The following MLLT10 variants were observed in gnomAD, a reference collection of about 807,000 sequenced individuals.
MLLT10 encodes the protein protein AF-10.
A neutral mutation model predicts 129.1 loss-of-function variants in MLLT10; 30 were observed. That is an observed-to-expected ratio of 0.23 (90% CI 0.17 to 0.32). The LOEUF (loss-of-function observed/expected upper bound fraction) is 0.32. MLLT10 is among the 10% of genes least tolerant of loss of function. The probability of loss-of-function intolerance (pLI) is 1.00; values close to 1 mark genes in which losing one functional copy is unlikely to be tolerated. For missense variants in MLLT10, 1,119 were observed against 1,268.3 expected (o/e 0.88, Z 1.79); for synonymous variants, 490 against 446.4 (o/e 1.10, Z -1.23).
At chr10:21,569,226 C>G (rs1314988079) in intron 3 of MLLT10, among the ~76,000 whole-genome samples, 3 of 152,208 alleles carry the variant, frequency 2.0e-5, no homozygotes, top group Admixed American at 2.0e-4. Flanking sequence ...TGTATCCTTA[C>G]TGATTTTCTG....
In MLLT10 at chr10:21,733,717, C is replaced by T. The variant is rs146033832; in HGVS notation, c.2497-51C>T. ...TAAACTTAGTTTCTCTTCTTTCTTA[C>T]GCTGGGACTTAATGTCCAGTGGACT... On this transcript the variant is annotated intron_variant, in intron 19 of 22. Transcript: ENST00000307729. 4.1e-4 allele frequency: 642 copies of T among 1,549,284 alleles called. 1 individual carries two copies. In the African/African-American group the frequency reaches 7.0e-3, roughly 17 times the overall value.
At chr10:21,541,843 T>G (rs2035218663) in intron 3 of MLLT10, among the ~76,000 whole-genome samples, 2 of 152,150 alleles carry the variant, frequency 1.3e-5, no homozygotes, top group South Asian at 4.1e-4. Flanking sequence ...TCCGATGATA[T>G]GTTTTGGTTG....
chr10:21,602,061 T>G (rs2043588351), intron 5 of MLLT10, among the ~76,000 whole-genome samples: 2 of 152,186 alleles, frequency 1.3e-5, no homozygotes, highest in South Asian at 4.1e-4. Context: ...GGTAACTGAC[T>G]CAATGTCTCA....
chr10:21,721,893 G>A (rs1027841379), intron 14 of MLLT10, among the ~76,000 whole-genome samples: 4 of 151,820 alleles, frequency 2.6e-5, no homozygotes, highest in Non-Finnish European at 2.9e-5. Flanking sequence ...CTCTTAATGA[G>A]GTTTTTACTA....
intron 5 of MLLT10, among the ~76,000 whole-genome samples, chr10:21,606,757 A>G (rs150602624): frequency 8.9e-4 from 136 of 152,324 alleles, no homozygotes; most frequent in Admixed American, 1.4e-3. Flanking sequence ...GATAGAATCT[A>G]TTTCCTCTGA....
chr10:21,549,919 G>A (rs1169752272), intron 3 of MLLT10, among the ~76,000 whole-genome samples: 2 of 152,140 alleles, frequency 1.3e-5, no homozygotes, highest in African/African-American at 4.8e-5. Flanking sequence ...GATTACAGGC[G>A]TGAGCCATCG....
chr10:21,739,126 T>C (rs1466502946), intron 21 of MLLT10, among the ~76,000 whole-genome samples: 1 of 152,202 alleles, frequency 6.6e-6, no homozygotes, highest in Non-Finnish European at 1.5e-5. Context: ...GACTCCATCC[T>C]GAAATCAGAC....
At chr10:21,663,378 C>CT (rs776512240) in intron 9 of MLLT10, among the ~76,000 whole-genome samples, 511 of 139,948 alleles carry the variant, frequency 3.7e-3, no homozygotes, top group Admixed American at 5.1e-3. Context: ...TTTGTCTTTC[C>CT]TTTTTTTTTT....
chr10:21,678,561 A>G (rs1048734562), intron 11 of MLLT10, among the ~76,000 whole-genome samples: 2 of 152,238 alleles, frequency 1.3e-5, no homozygotes, highest in African/African-American at 4.8e-5. Flanking sequence ...GTTTGAGGGA[A>G]AAGCCTAATA....
At chr10:21,682,764 C>T (rs1349862863) in intron 13 of MLLT10, among the ~76,000 whole-genome samples, 1 of 152,104 alleles carries the variant, frequency 6.6e-6, no homozygotes, top group Non-Finnish European at 1.5e-5. Flanking sequence ...GTATCTTTTG[C>T]TGCATTGGGT....
intron 13 of MLLT10, among the ~76,000 whole-genome samples, chr10:21,710,734 G>A (rs1040888232): frequency 6.6e-6 from 1 of 152,164 alleles, no homozygotes; most frequent in Middle Eastern, 3.2e-3. Flanking sequence ...TAGGATACCT[G>A]TGAGTTTGAA....
chr10:21,545,788 T>C (rs886652902), intron 3 of MLLT10, among the ~76,000 whole-genome samples: 2 of 152,192 alleles, frequency 1.3e-5, no homozygotes, highest in Non-Finnish European at 2.9e-5. Context: ...CACTTCAGTC[T>C]CCTGAGTAGC....
chr10:21,634,905 A>G (rs1290967967), intron 8 of MLLT10, among the ~76,000 whole-genome samples: 1 of 152,180 alleles, frequency 6.6e-6, no homozygotes, highest in Non-Finnish European at 1.5e-5. Context: ...CAGTTTATAA[A>G]AATTTCCTTA....
chr10:21,725,922 T>C (rs1302897164), intron 14 of MLLT10, among the ~76,000 whole-genome samples: 1 of 151,730 alleles, frequency 6.6e-6, no homozygotes, highest in Non-Finnish European at 1.5e-5. Context: ...GGCTAATTTT[T>C]TGTATTTTTA....
At chr10:21,732,333 G>A (rs1810980541) in intron 17 of MLLT10, among the ~76,000 whole-genome samples, 1 of 152,204 alleles carries the variant, frequency 6.6e-6, no homozygotes, top group Non-Finnish European at 1.5e-5. Flanking sequence ...CTCCAGGACT[G>A]GAGAGGTGGC....
At position 21,556,429 on chromosome 10, in the gene MLLT10, A is replaced by G. The variant is rs572138261; in HGVS notation, c.240+17517A>G. ...TTGGGGTTGACAAACCTGGTTACCAATATTCCTTTAGCCAGATGGATGTTG... is the reference window on the plus strand; with the variant it reads ...TTGGGGTTGACAAACCTGGTTACCAGTATTCCTTTAGCCAGATGGATGTTG... On this transcript the variant is annotated intron_variant, in intron 3 of 22. Transcript: ENST00000307729. Among the ~76,000 whole-genome samples, 71 of 152,282 alleles carry G rather than the reference A, an allele frequency of 4.7e-4. 1 individual carries two copies. The highest frequency in any genetic ancestry group is 4.3e-4 in the African/African-American group (18 of 41,570).
chr10:21,689,394 T>C (rs890538724), intron 13 of MLLT10, among the ~76,000 whole-genome samples: 1 of 151,612 alleles, frequency 6.6e-6, no homozygotes, highest in Non-Finnish European at 1.5e-5. Flanking sequence ...GAATGAGCTA[T>C]TCAGATAATG....
At chr10:21,729,062 C>A (rs1035456193) in intron 16 of MLLT10, among the ~76,000 whole-genome samples, 1 of 151,478 alleles carries the variant, frequency 6.6e-6, no homozygotes. Context: ...CCTGGGTGAA[C>A]TAAAAGTAGT....
chr10:21,642,509 T>C (rs2048107874), intron 8 of MLLT10, among the ~76,000 whole-genome samples: 1 of 151,640 alleles, frequency 6.6e-6, no homozygotes. Flanking sequence ...ATACAAAAAT[T>C]AGCTGGGTGT....
Sources: gnomAD v4.1 joint callset for allele counts (sites outside exome capture counted in the v4.1 genomes callset) on GRCh38, gnomAD v4.1.1 for gene constraint, MANE v1.5 for transcripts, NCBI Gene and HGNC (gene_info 2026-07-23, HGNC 2026-07-21) for gene names.